NPW: variants seen among roughly 807,000 people sequenced by gnomAD.
NPW encodes prepro-neuropeptide W.
Under a neutral mutation model 9.9 loss-of-function variants are expected in NPW, and 8 were observed. That is an observed-to-expected ratio of 0.81 (90% CI 0.47 to 1.46). The LOEUF is 1.46. Among genes scored for constraint, NPW ranks in the 40% most tolerant of loss-of-function variants. The probability of loss-of-function intolerance (pLI) is 0.00; values close to 1 mark genes in which losing one functional copy is unlikely to be tolerated. For synonymous variants in NPW, 134 were observed against 119.9 expected, an observed-to-expected ratio of 1.12 and a Z score of -0.77; for missense variants, 287 against 240.3, an observed-to-expected ratio of 1.19 and a Z score of -1.28.
intron 1 of NPW, 52 bp downstream of exon 1, chr16:2,020,364 G>A (rs1330373867): frequency 1.4e-6 from 2 of 1,411,342 alleles, no homozygotes; most frequent in Non-Finnish European, 1.9e-6. Context: ...GGTCTCGGGA[G>A]GTCTGAGCCG....
At position 2,020,289 on chromosome 16, in the gene NPW, C is replaced by G. The variant is rs2083830874; in HGVS notation, c.388C>G (p.Leu130Val). 3 of 1,522,318 alleles carry G rather than the reference C, an allele frequency of 2.0e-6. No individual in the cohort carries two copies. The African/African-American group carries it at 4.2e-5, about 21-fold the overall frequency. 94.3% of individuals were successfully genotyped at this position (1,522,318 alleles called of 1,614,324 possible). The change falls in exon 1 of 2, where the codon CTG becomes GTG. Residue 130 changes from leucine (L) to valine (V), a missense_variant. Physicochemically the swap from Leu to Val is conservative, Grantham distance 32 (BLOSUM62 1). Coordinates refer to ENST00000566435, the MANE Select transcript of NPW (RefSeq NM_001099456.3). ...AGAGCCTGCGCTGGAACCGGAGTCC[C>G]TGGACTTCAGCGGAGCTGGCCAGGT...
intron 1 of NPW, 25 bp downstream of exon 1, chr16:2,020,337 A>G: frequency 1.4e-6 from 2 of 1,457,322 alleles, no homozygotes; most frequent in East Asian, 2.6e-5. Flanking sequence ...AGAGGCCTGG[A>G]CCGCCGCGGG....
At chr16:2,020,390 C>T in intron 1 of NPW, 78 bp downstream of exon 1, 1 of 1,333,260 alleles carries the variant, frequency 7.5e-7, no homozygotes, top group Non-Finnish European at 1.0e-6. Flanking sequence ...CGGAGCCGCG[C>T]GTTCAGGGGG....
Position 2,020,110 on chromosome 16 carries a change from C to G in NPW, c.209C>G (p.Ala70Gly), listed in dbSNP as rs2150916627. 6.6e-7 allele frequency: 1 copy of G among 1,519,882 alleles called. No homozygotes were observed. Among genetic ancestry groups the G allele is most frequent in the East Asian group, 2.4e-5 (1 of 41,300 alleles). The allele number at this position is 1,519,882 out of a possible 1,614,324, so 94.1% of individuals were successfully genotyped here. ...TGGCGCCGCGCGCTGCGCGCGGCCG[C>G]CGGGCCCCTGGCCAGGGACACCCTC... The change falls in exon 1 of 2, where the codon GCC (alanine) becomes GGC (glycine). Residue 70 changes from alanine (A) to glycine (G), a missense_variant. By Grantham distance (60) the Ala-to-Gly change is moderately conservative. Transcript: ENST00000566435.
chr16:2,020,254 C>A lies in NPW; in HGVS notation c.353C>A (p.Pro118Gln). ...ATCCCCGTCCGTGCGCCCCGGAGCC[C>A]GCGCGCCCCAGAGCCTGCGCTGGAA... The change falls in exon 1 of 2, where the codon CCG becomes CAG. Residue 118 changes from proline (P) to glutamine (Q), a missense_variant. Transcript: ENST00000566435. 1 of 1,552,850 alleles carries A rather than the reference C, an allele frequency of 6.4e-7. No individual in the cohort carries two copies. Among genetic ancestry groups the A allele is most frequent in the Non-Finnish European group, 8.7e-7 (1 of 1,152,340 alleles).
intron 1 of NPW, 52 bp downstream of exon 1, chr16:2,020,364 G>C: frequency 2.1e-6 from 3 of 1,411,460 alleles, no homozygotes; most frequent in Non-Finnish European, 2.8e-6. Context: ...GGTCTCGGGA[G>C]GTCTGAGCCG....
At chr16:2,020,478 G>T (rs2083832210) in intron 1 of NPW, 55 bp from the exon 2 acceptor site, 4 of 1,403,412 alleles carry the variant, frequency 2.9e-6, no homozygotes, top group Non-Finnish European at 4.0e-6. Context: ...GCACCCGGGG[G>T]CGGTGGTTGG....
chr16:2,020,576 C>G lies in NPW; in HGVS notation c.455C>G (p.Ala152Gly). 1 of 1,609,940 alleles carries G rather than the reference C, an allele frequency of 6.2e-7. No homozygotes were observed. The highest frequency in any genetic ancestry group is 1.7e-5 in the Admixed American group (1 of 59,924). The change falls in exon 2 of 2, where the codon GCA becomes GGA. Residue 152 changes from alanine (A) to glycine (G), a missense_variant. Ala to Gly is a moderately conservative substitution (Grantham distance 60, BLOSUM62 0). Transcript: ENST00000566435. ...TCCCGCCCAGCGGTGGACCCCGCAG[C>G]AAACCGCCTTGGCCTGCCCTGCCTG...
rs773503825 is a variant in NPW at position 2,020,057 on chromosome 16, C to T, written c.156C>T (p.Leu52=). ...CGGTGGGCCGCGCCGCTGGCCTGCT[C>T]ATGGGGCTGCGTCGCTCACCCTATC... The change falls in exon 1 of 2, where the codon CTC becomes CTT. Residue 52 remains leucine (L), a synonymous_variant. Coordinates refer to ENST00000566435, the MANE Select transcript of NPW (RefSeq NM_001099456.3). The T allele has an allele frequency of 3.3e-6, 5 of 1,506,694 alleles. No individual in the cohort carries two copies. Among genetic ancestry groups the T allele is most frequent in the Non-Finnish European group, 4.4e-6 (5 of 1,134,262 alleles). 93.3% of individuals were successfully genotyped at this position (1,506,694 alleles called of 1,614,324 possible).
rs779251066 is a variant in NPW at position 2,020,603 on chromosome 16, C to A, written c.482C>A (p.Ala161Asp). 6.3e-7 allele frequency: 1 copy of A among 1,599,078 alleles called. No individual in the cohort carries two copies. Among genetic ancestry groups the A allele is most frequent in the East Asian group, 2.3e-5 (1 of 44,012 alleles). ...AACCGCCTTGGCCTGCCCTGCCTGG[C>A]CCCCGGACCGTTCTGACAGCGTCCC... Residue 161 changes from alanine (A) to aspartate (D), a missense_variant, in exon 2 of 2, where the codon GCC becomes GAC. Ala to Asp is a moderately radical substitution (Grantham distance 126). Coordinates refer to ENST00000566435, the MANE Select transcript of NPW (RefSeq NM_001099456.3).
chr16:2,020,584 C>A lies in NPW; in HGVS notation c.463C>A (p.Leu155Ile), dbSNP rs750938598. Residue 155 changes from leucine to isoleucine, a missense_variant, in exon 2 of 2, where the codon CTT (leucine) becomes ATT (isoleucine). Leu to Ile is a conservative substitution (Grantham distance 5). Coordinates refer to ENST00000566435, the MANE Select transcript of NPW (RefSeq NM_001099456.3). ...AGCGGTGGACCCCGCAGCAAACCGC[C>A]TTGGCCTGCCCTGCCTGGCCCCCGG... 2 of 1,609,012 alleles carry A rather than the reference C, an allele frequency of 1.2e-6. No homozygotes were observed. The highest frequency in any genetic ancestry group is 4.5e-5 in the East Asian group (2 of 44,584).
At position 2,020,563 on chromosome 16, in the gene NPW, G is replaced by A; in HGVS notation, c.442G>A (p.Val148Met). The change falls in exon 2 of 2, where the codon GTG becomes ATG. Residue 148 changes from valine (V) to methionine (M), a missense_variant. Coordinates refer to ENST00000566435, the MANE Select transcript of NPW (RefSeq NM_001099456.3). ...TCGGAGAGACGTCTCCCGCCCAGCGGTGGACCCCGCAGCAAACCGCCTTGG... is the reference window on the plus strand; with the variant it reads ...TCGGAGAGACGTCTCCCGCCCAGCGATGGACCCCGCAGCAAACCGCCTTGG... The A allele has an allele frequency of 6.2e-7, 1 of 1,610,050 alleles. No individual in the cohort carries two copies. Among genetic ancestry groups the A allele is most frequent in the Non-Finnish European group, 8.5e-7 (1 of 1,178,116 alleles).
At chr16:2,020,500 C>T (rs1050626037) in intron 1 of NPW, 33 bp from the exon 2 acceptor site, 3 of 1,488,978 alleles carry the variant, frequency 2.0e-6, no homozygotes, top group Non-Finnish European at 1.9e-6. Flanking sequence ...GGGCCACAGC[C>T]TCCTCCCCAC....
At chr16:2,020,429 C>T in intron 1 of NPW, 104 bp from the exon 2 acceptor site, 1 of 1,301,364 alleles carries the variant, frequency 7.7e-7, no homozygotes, top group Admixed American at 2.2e-5. Context: ...TTCCCTGCTC[C>T]GCGCCCAGAA....
chr16:2,020,335 G>C, intron 1 of NPW, 23 bp downstream of exon 1: 1 of 1,458,076 alleles, frequency 6.9e-7, no homozygotes, highest in African/African-American at 1.4e-5. Flanking sequence ...GGAGAGGCCT[G>C]GACCGCCGCG....
In NPW at chr16:2,020,171, G is replaced by A; in HGVS notation, c.270G>A (p.Leu90=). 6.3e-7 allele frequency: 1 copy of A among 1,591,476 alleles called. No homozygotes were observed. Among genetic ancestry groups the A allele is most frequent in the Non-Finnish European group, 8.5e-7 (1 of 1,172,050 alleles). Residue 90 remains leucine (L), a synonymous_variant, in exon 1 of 2, where the codon CTG becomes CTA. Coordinates refer to ENST00000566435, the MANE Select transcript of NPW (RefSeq NM_001099456.3). ...CCGCAGCCCGCGAGGCTCCTCTCCT[G>A]CTGCCCTCGTGGGTTCAGGAGCTGT...
In NPW at chr16:2,019,893, G is replaced by A. The variant is rs2083826046; in HGVS notation, c.-9G>A. 1.6e-6 allele frequency: 2 copies of A among 1,225,020 alleles called. No individual in the cohort carries two copies. The highest frequency in any genetic ancestry group is 2.0e-6 in the Non-Finnish European group (2 of 984,668). 75.9% of individuals were successfully genotyped at this position (1,225,020 alleles called of 1,614,324 possible). On this transcript the variant is annotated 5_prime_UTR_variant, in exon 1 of 2. Transcript: ENST00000566435. ...CCCGCCCCGCCGGGCGGCCGTCGAC[G>A]CGAGCGCCCTGGCGTGGCGCCCAGG... is the stretch of plus-strand genomic sequence containing the variant.
intron 1 of NPW, 91 bp from the exon 2 acceptor site, chr16:2,020,442 G>A (rs2083831947): frequency 1.5e-6 from 2 of 1,303,104 alleles, no homozygotes; most frequent in Non-Finnish European, 2.1e-6. Flanking sequence ...GCCCAGAAGA[G>A]CTTTCCCTGG....
At position 2,019,808 on chromosome 16, in the gene NPW, TC is replaced by T; in HGVS notation, c.-92del. The T allele has an allele frequency of 1.7e-6, 2 of 1,194,112 alleles. No individual in the cohort carries two copies. The highest frequency in any genetic ancestry group is 2.1e-6 in the Non-Finnish European group (2 of 964,412). 74.0% of individuals were successfully genotyped at this position (1,194,112 alleles called of 1,614,324 possible). A position where few individuals can be genotyped will look rare whatever the true frequency, so the allele number is the denominator to read the frequency against. ...ACGGCTCGCCTCCAGCCTCCTGCGC[TC>T]CGGTACCTGGGCGTCCCAACTCCAC... On this transcript the variant is annotated 5_prime_UTR_variant, in exon 1 of 2. Transcript: ENST00000566435.
Sources: gnomAD v4.1 joint callset for allele counts on GRCh38, gnomAD v4.1.1 for gene constraint, MANE v1.5 for transcripts, NCBI Gene and HGNC (gene_info 2026-07-23, HGNC 2026-07-21) for gene names.